B4GALT1: variants seen among roughly 807,000 people sequenced by gnomAD.
B4GALT1 encodes the protein N-acetyllactosamine synthase.
Under a neutral mutation model 34.9 loss-of-function variants are expected in B4GALT1, and 16 were observed. The observed-to-expected ratio is 0.46, with a 90% CI of 0.31 to 0.70. The LOEUF (loss-of-function observed/expected upper bound fraction) is 0.70, where lower values mean the gene tolerates loss of function less well. Ranked by LOEUF, B4GALT1 falls within the 30% of genes least tolerant of loss-of-function variation. The pLI is 0.05. For synonymous variants in B4GALT1, 221 were observed against 218.1 expected (o/e 1.01, Z -0.12); for missense variants, 445 against 530.5 (o/e 0.84, Z 1.58).
chr9:33,156,133 T>C (rs941446425), intron 1 of B4GALT1, among the ~76,000 whole-genome samples: 3 of 150,696 alleles, frequency 2.0e-5, no homozygotes, highest in Admixed American at 6.6e-5. Flanking sequence ...TTTTTTTTTT[T>C]CGGGGGGCGG....
At chr9:33,122,646 AG>A (rs1840038358) in intron 2 of B4GALT1, among the ~76,000 whole-genome samples, 1 of 152,328 alleles carries the variant, frequency 6.6e-6, no homozygotes, top group African/African-American at 2.4e-5. Context: ...CAAACCACTT[AG>A]AGAAAGAGAG....
chr9:33,180,190 C>T, the B4GALT1 span, among the ~76,000 whole-genome samples: 306 of 152,264 alleles, frequency 2.0e-3, 1 homozygote, highest in African/African-American at 7.0e-3. Context: ...GCACACACCA[C>T]CATGCCCAGC....
intron 1 of B4GALT1, among the ~76,000 whole-genome samples, chr9:33,151,353 G>A (rs1745096017): frequency 6.6e-6 from 1 of 152,154 alleles, no homozygotes; most frequent in Non-Finnish European, 1.5e-5. Flanking sequence ...CCTCTAATCA[G>A]TTTTGGAGCC....
At chr9:33,157,312 T>G (rs1419940537) in intron 1 of B4GALT1, among the ~76,000 whole-genome samples, 3 of 152,208 alleles carry the variant, frequency 2.0e-5, no homozygotes, top group Admixed American at 2.0e-4. Context: ...ATTGTCAAGA[T>G]GACCATATCC....
chr9:33,170,766 C>A (rs999274052), upstream of B4GALT1, among the ~76,000 whole-genome samples: 8 of 152,254 alleles, frequency 5.3e-5, no homozygotes, highest in Non-Finnish European at 1.2e-4. Flanking sequence ...CATTGTCCAG[C>A]AGTCCAGACA....
chr9:33,161,840 A>G (rs565385998), intron 1 of B4GALT1, among the ~76,000 whole-genome samples: 2 of 152,344 alleles, frequency 1.3e-5, no homozygotes, highest in East Asian at 3.9e-4. Flanking sequence ...AGAGTAAGAA[A>G]CAAGGTACAG....
the B4GALT1 span, among the ~76,000 whole-genome samples, chr9:33,172,811 C>G: frequency 1.3e-5 from 2 of 151,908 alleles, no homozygotes; most frequent in African/African-American, 4.8e-5. Context: ...TTACCTCATT[C>G]CTTTTTTTTT....
At chr9:33,160,579 C>A (rs1281990344) in intron 1 of B4GALT1, among the ~76,000 whole-genome samples, 6 of 152,102 alleles carry the variant, frequency 3.9e-5, no homozygotes, top group African/African-American at 1.2e-4. Context: ...CCAGCCTAGG[C>A]AACATGGCAA....
rs963931051 is a variant in B4GALT1, at chr9:33,135,496, G to A, written c.413-72C>T. 880 of 1,453,730 alleles carry A rather than the reference G, an allele frequency of 6.1e-4. 8 individuals are homozygous for A. The highest frequency in any genetic ancestry group is 1.1e-4 in the Non-Finnish European group (117 of 1,047,172). The allele number at this position is 1,453,730 out of a possible 1,614,324, so 90.1% of individuals were successfully genotyped here. A position where few individuals can be genotyped will look rare whatever the true frequency, so the allele number is the denominator to read the frequency against. The stretch of plus-strand genomic sequence containing the variant: ...CACCGCTCCACAGGCTGCATCAGAT[G>A]GCCAGGCTGCAGCTGCAGCTGCAGA... On this transcript the variant is annotated intron_variant, in intron 1 of 5. Transcript: ENST00000379731.
Position 33,135,636 on chromosome 9 carries a change from T to C in B4GALT1, c.413-212A>G, listed in dbSNP as rs10738906. On this transcript the variant is annotated intron_variant, in intron 1 of 5. Coordinates refer to ENST00000379731, the MANE Select transcript of B4GALT1 (RefSeq NM_001497.4). ...CCATCCCCAGAAACCCCCTTCAGTGTGGGGCAAACCTAGATGGTTGGTCAC... is the reference window on the plus strand; with the variant it reads ...CCATCCCCAGAAACCCCCTTCAGTGCGGGGCAAACCTAGATGGTTGGTCAC... Among the ~76,000 whole-genome samples the C allele has an allele frequency of 0.36, 55,018 of 152,018 alleles. 10,504 individuals carry two copies. Among genetic ancestry groups the C allele is most frequent in the East Asian group, 0.59 (3,077 of 5,176 alleles).
intron 1 of B4GALT1, among the ~76,000 whole-genome samples, chr9:33,136,659 T>C (rs1215908120): frequency 6.6e-6 from 1 of 152,232 alleles, no homozygotes; most frequent in Admixed American, 6.5e-5. Context: ...CAAGCTTATT[T>C]GGCTACAGAA....
chr9:33,160,782 AT>A (rs1386891129), intron 1 of B4GALT1, among the ~76,000 whole-genome samples: 2 of 152,122 alleles, frequency 1.3e-5, no homozygotes, highest in African/African-American at 2.4e-5. Context: ...AGAAAAAAAA[AT>A]ATATCAGCTA....
chr9:33,124,303 T>C (rs535110523), intron 2 of B4GALT1, among the ~76,000 whole-genome samples: 2 of 152,294 alleles, frequency 1.3e-5, no homozygotes, highest in South Asian at 4.1e-4. Flanking sequence ...TGCCCCTCCA[T>C]TTGCTCAAGT....
chr9:33,146,819 G>C lies in B4GALT1; in HGVS notation c.413-11395C>G, dbSNP rs538960457. 5.9e-5 allele frequency among the ~76,000 whole-genome samples: 9 copies of C among 152,060 alleles called. No homozygotes were observed. In the East Asian group the frequency reaches 1.7e-3, roughly 29 times the overall value. ...AGTGATTCTCTTGCCTCAGCCTACT[G>C]AGTACCTGGGAATATAGGTGCATGT... On this transcript the variant is annotated intron_variant, in intron 1 of 5. Transcript: ENST00000379731.
upstream of B4GALT1, among the ~76,000 whole-genome samples, chr9:33,171,074 G>A (rs1017571820): frequency 2.6e-5 from 4 of 152,230 alleles, no homozygotes; most frequent in Non-Finnish European, 5.9e-5. Flanking sequence ...TACCCTCATG[G>A]ATCAGAAGGG....
At chr9:33,161,462 A>C (rs904488330) in intron 1 of B4GALT1, among the ~76,000 whole-genome samples, 1 of 152,090 alleles carries the variant, frequency 6.6e-6, no homozygotes, top group Non-Finnish European at 1.5e-5. Flanking sequence ...AGGCCCCTAC[A>C]ACTCAGGTCT....
chr9:33,126,663 A>ACCATTGTTAACATTGTTAAC (rs1554685864), intron 2 of B4GALT1, among the ~76,000 whole-genome samples: 1 of 151,390 alleles, frequency 6.6e-6, no homozygotes, highest in Non-Finnish European at 1.5e-5. Context: ...AACCATAGCA[A>ACCATTGTTAACATTGTTAAC]TATGGTAGCT....
chr9:33,160,819 T>C (rs1305731134), intron 1 of B4GALT1, among the ~76,000 whole-genome samples: 1 of 152,062 alleles, frequency 6.6e-6, no homozygotes, highest in African/African-American at 2.4e-5. Context: ...AAAAGACTAG[T>C]AGGAAATATG....
chr9:33,182,084 C>T, the B4GALT1 span, among the ~76,000 whole-genome samples: 1 of 151,840 alleles, frequency 6.6e-6, no homozygotes, highest in Non-Finnish European at 1.5e-5. Flanking sequence ...CAAGGTCTCA[C>T]TCTGTTGCCC....
Sources: gnomAD v4.1 joint callset for allele counts (sites outside exome capture counted in the v4.1 genomes callset) on GRCh38, gnomAD v4.1.1 for gene constraint, MANE v1.5 for transcripts, NCBI Gene and HGNC (gene_info 2026-07-23, HGNC 2026-07-21) for gene names.